CWC27: variants seen among roughly 807,000 people sequenced by gnomAD.
CWC27 encodes the protein spliceosome-associated protein CWC27 homolog.
CWC27 carries 47 observed loss-of-function variants against 63.6 expected under a neutral mutation model. The ratio of observed to expected loss-of-function variants is 0.74; its 90% confidence interval spans 0.58 to 0.94. The LOEUF (loss-of-function observed/expected upper bound fraction) is 0.94, where lower values mean the gene tolerates loss of function less well. CWC27 is among the 40% of genes least tolerant of loss of function. The probability of loss-of-function intolerance (pLI) is 0.00; values close to 1 mark genes in which losing one functional copy is unlikely to be tolerated. For missense variants in CWC27, 495 were observed against 554.3 expected, an observed-to-expected ratio of 0.89 and a Z score of 1.07; for synonymous variants, 175 against 179.8, an observed-to-expected ratio of 0.97 and a Z score of 0.22.
intron 2 of CWC27, among the ~76,000 whole-genome samples, chr5:64,775,724 C>T (rs1278649505): frequency 2.0e-5 from 3 of 152,072 alleles, no homozygotes; most frequent in Non-Finnish European, 4.4e-5. Flanking sequence ...CAGAATTATA[C>T]ATCCACTGAA....
At chr5:64,928,680 A>T (rs975259040) in intron 11 of CWC27, among the ~76,000 whole-genome samples, 5 of 152,178 alleles carry the variant, frequency 3.3e-5, no homozygotes, top group African/African-American at 4.8e-5. Context: ...CAGCATAGAG[A>T]AGAGGTAGAA....
Position 65,018,345 on chromosome 5 carries a change from C to T in CWC27, c.*24C>T. On this transcript the variant is annotated 3_prime_UTR_variant, in exon 14 of 14. Transcript: ENST00000381070. ...AAAATGAGAATAATGATAACCAGAA[C>T]TTGCTGGAAATGTGCCTACAATGGC... The T allele has an allele frequency of 1.3e-6, 2 of 1,568,786 alleles. No individual in the cohort carries two copies. The highest frequency in any genetic ancestry group is 1.7e-6 in the Non-Finnish European group (2 of 1,161,884).
intron 11 of CWC27, among the ~76,000 whole-genome samples, chr5:64,939,709 C>T (rs1278987960): frequency 6.6e-6 from 1 of 152,270 alleles, no homozygotes; most frequent in African/African-American, 2.4e-5. Flanking sequence ...GCTGAAGCAG[C>T]ACCCACAGCC....
chr5:64,857,497 T>C (rs1746283499), intron 10 of CWC27, among the ~76,000 whole-genome samples: 1 of 152,330 alleles, frequency 6.6e-6, no homozygotes, highest in Non-Finnish European at 1.5e-5. Context: ...ACATAATGTC[T>C]AATTTGTTGA....
intron 11 of CWC27, among the ~76,000 whole-genome samples, chr5:64,948,554 C>T (rs193225524): frequency 6.6e-6 from 1 of 151,838 alleles, no homozygotes; most frequent in African/African-American, 2.4e-5. Flanking sequence ...CCATGCTAGA[C>T]CAAGAAGAAA....
At chr5:64,877,024 T>TTGTATAGAA (rs1371395514) in intron 10 of CWC27, among the ~76,000 whole-genome samples, 1 of 152,046 alleles carries the variant, frequency 6.6e-6, no homozygotes, top group Non-Finnish European at 1.5e-5. Flanking sequence ...TAGTATCTCC[T>TTGTATAGAA]GTTGTATAGA....
intron 10 of CWC27, among the ~76,000 whole-genome samples, chr5:64,850,233 A>AAAAAAAAAAAAAG (rs1172750342): frequency 1.3e-5 from 2 of 151,890 alleles, no homozygotes; most frequent in African/African-American, 2.4e-5. Context: ...GCCAAAAAAA[A>AAAAAAAAAAAAAG]AGACCCGTCA....
chr5:64,895,571 C>G (rs1747351699), intron 11 of CWC27, among the ~76,000 whole-genome samples: 1 of 152,118 alleles, frequency 6.6e-6, no homozygotes, highest in South Asian at 2.1e-4. Flanking sequence ...AAGAACAGCT[C>G]AGAAGACACA....
intron 11 of CWC27, among the ~76,000 whole-genome samples, chr5:64,935,788 A>G (rs950867503): frequency 6.6e-6 from 1 of 152,160 alleles, no homozygotes; most frequent in Non-Finnish European, 1.5e-5. Flanking sequence ...GCAGTGGCTT[A>G]TAGTCCTCCT....
At chr5:64,824,290 C>A (rs1281481837) in intron 10 of CWC27, among the ~76,000 whole-genome samples, 1 of 152,004 alleles carries the variant, frequency 6.6e-6, no homozygotes, top group East Asian at 1.9e-4. Context: ...AAGTCTTCCT[C>A]TTTTAATATT....
At chr5:64,894,448 A>G (rs1747319199) in intron 11 of CWC27, among the ~76,000 whole-genome samples, 1 of 152,136 alleles carries the variant, frequency 6.6e-6, no homozygotes, top group Non-Finnish European at 1.5e-5. Context: ...GGCTAGACTA[A>G]TTGTTTCTAA....
At chr5:64,838,374 C>T (rs1745714099) in intron 10 of CWC27, among the ~76,000 whole-genome samples, 1 of 152,080 alleles carries the variant, frequency 6.6e-6, no homozygotes. Flanking sequence ...CTGCTAATAA[C>T]AATATACATA....
rs114452572 is a variant in CWC27 at position 64,881,378 on chromosome 5, G to A, written c.939-4065G>A. On this transcript the variant is annotated intron_variant, in intron 10 of 13. Transcript: ENST00000381070. The stretch of plus-strand genomic sequence containing the variant: ...ACTATTTAAGGATAGATTTTTAGAA[G>A]CAAGCATTGTGCATTCATTGCCCTC... Among the ~76,000 whole-genome samples, 95 of 152,178 alleles carry A rather than the reference G, an allele frequency of 6.2e-4. 1 individual carries two copies. Among genetic ancestry groups the A allele is most frequent in the African/African-American group, 2.2e-3 (91 of 41,560 alleles).
At position 64,769,047 on chromosome 5, in the gene CWC27, A is replaced by G. The variant is rs1173714379; in HGVS notation, c.-100A>G. The G allele has an allele frequency of 3.1e-6, 3 of 963,532 alleles. No homozygotes were observed. Among genetic ancestry groups the G allele is most frequent in the Non-Finnish European group, 3.4e-6 (2 of 596,426 alleles). 59.7% of individuals were successfully genotyped at this position (963,532 alleles called of 1,614,324 possible). On this transcript the variant is annotated 5_prime_UTR_variant, in exon 1 of 14. Coordinates refer to ENST00000381070, the MANE Select transcript of CWC27 (RefSeq NM_005869.4). ...TGACAAACTGAAGCTTTCCTGCACC[A>G]CTGGACTTAAGGAAGAGTGTACTCG...
At chr5:64,789,168 G>C in intron 7 of CWC27, 148 bp downstream of exon 7, 1 of 453,552 alleles carries the variant, frequency 2.2e-6, no homozygotes, top group Non-Finnish European at 3.9e-6. Context: ...AAATTGATTT[G>C]TGGTCAGTAA....
intron 13 of CWC27, among the ~76,000 whole-genome samples, chr5:65,017,369 G>T (rs1222167782): frequency 6.6e-6 from 1 of 152,126 alleles, no homozygotes; most frequent in Non-Finnish European, 1.5e-5. Context: ...CAACTGTTCT[G>T]AAGTCTGCTC....
chr5:64,805,020 T>C (rs1318747074), intron 10 of CWC27: 5 of 152,076 alleles, frequency 3.3e-5, no homozygotes, highest in South Asian at 2.1e-4. Flanking sequence ...CTTTATAGTA[T>C]ACATTTTAAA....
intron 7 of CWC27, 44 bp from the exon 8 acceptor site, chr5:64,800,204 C>T: frequency 8.0e-7 from 1 of 1,256,962 alleles, no homozygotes; most frequent in Non-Finnish European, 1.1e-6. Flanking sequence ...TTTAGGAATA[C>T]TGTTTATTTC....
intron 11 of CWC27, among the ~76,000 whole-genome samples, chr5:64,942,022 G>T (rs988448667): frequency 6.6e-6 from 1 of 152,070 alleles, no homozygotes; most frequent in Non-Finnish European, 1.5e-5. Context: ...TATCAAAGCA[G>T]TTATTTACAT....
Sources: allele counts gnomAD v4.1 joint callset (sites outside exome capture counted in the v4.1 genomes callset), GRCh38; gene constraint gnomAD v4.1.1; transcripts MANE v1.5; gene names NCBI Gene and HGNC (gene_info 2026-07-23, HGNC 2026-07-21).